NTF3: variants seen among roughly 807,000 people sequenced by gnomAD.
NTF3 encodes neurotrophin-3.
Under a neutral mutation model 26.3 loss-of-function variants are expected in NTF3, and 8 were observed. That is an observed-to-expected ratio of 0.30 (90% CI 0.18 to 0.55). NTF3 has a LOEUF of 0.55. Ranked by LOEUF, NTF3 falls within the 20% of genes least tolerant of loss-of-function variation. The probability of loss-of-function intolerance (pLI) is 0.93; values close to 1 mark genes in which losing one functional copy is unlikely to be tolerated. For synonymous variants in NTF3, 154 were observed against 145.5 expected, an observed-to-expected ratio of 1.06 and a Z score of -0.42; for missense variants, 276 against 352.9, an observed-to-expected ratio of 0.78 and a Z score of 1.75.
chr12:5,451,560 A>G (rs1488628226), intron 1 of NTF3, among the ~76,000 whole-genome samples: 2 of 152,260 alleles, frequency 1.3e-5, no homozygotes, highest in African/African-American at 4.8e-5. Context: ...AAATGGGGAA[A>G]GAATAAAGAG....
At chr12:5,448,356 T>C (rs1940332204) in intron 1 of NTF3, among the ~76,000 whole-genome samples, 1 of 152,204 alleles carries the variant, frequency 6.6e-6, no homozygotes. Context: ...CTGTTCCTTT[T>C]CATGGTGCTG....
At chr12:5,446,906 G>A (rs1418940594) in intron 1 of NTF3, among the ~76,000 whole-genome samples, 3 of 152,192 alleles carry the variant, frequency 2.0e-5, no homozygotes, top group Non-Finnish European at 4.4e-5. Flanking sequence ...GACCTGATGC[G>A]AGAACCGGAT....
At chr12:5,431,439 C>A (rs1484800939), upstream of NTF3, among the ~76,000 whole-genome samples, 1 of 152,176 alleles carries the variant, frequency 6.6e-6, no homozygotes. Flanking sequence ...CCCCACGCCC[C>A]TCTACCTTGA....
At chr12:5,487,800 C>T (rs893820190) in intron 1 of NTF3, among the ~76,000 whole-genome samples, 2 of 152,206 alleles carry the variant, frequency 1.3e-5, no homozygotes, top group Non-Finnish European at 2.9e-5. Flanking sequence ...TAGATACAGA[C>T]CTGTCCTGAG....
Position 5,494,377 on chromosome 12 carries a change from G to T in NTF3, c.202G>T (p.Val68Phe). The T allele has an allele frequency of 6.2e-7, 1 of 1,614,038 alleles. No individual in the cohort carries two copies. Among genetic ancestry groups the T allele is most frequent in the Middle Eastern group, 1.6e-4 (1 of 6,062 alleles). The change falls in exon 2 of 2, where the codon GTT becomes TTT. Residue 68 changes from valine (V) to phenylalanine (F), a missense_variant. Physicochemically the swap from Val to Phe is conservative, Grantham distance 50. Around this residue, in one of 3 missense-constraint regions of NTF3, gnomAD observed 221 missense variants for 258.2 expected, o/e 0.86. Transcript: ENST00000423158. This position sits in a 1 kb window ranked among gnomAD's most constrained non-coding sequence, Gnocchi z 8.3. ...KNKLSKQMVD[V>F]KENYQSTLPK... ...CAAGCTCTCCAAGCAGATGGTGGACGTTAAGGAAAATTACCAGAGCACCCT... is the reference window on the plus strand; with the variant it reads ...CAAGCTCTCCAAGCAGATGGTGGACTTTAAGGAAAATTACCAGAGCACCCT...
chr12:5,490,680 C>T (rs1212691403), intron 1 of NTF3, among the ~76,000 whole-genome samples: 1 of 152,212 alleles, frequency 6.6e-6, no homozygotes, highest in Non-Finnish European at 1.5e-5. Flanking sequence ...AATTCAGAAA[C>T]ACCACCTCTC....
intron 1 of NTF3, among the ~76,000 whole-genome samples, chr12:5,467,882 G>C (rs1297510544): frequency 6.6e-6 from 1 of 152,002 alleles, no homozygotes; most frequent in African/African-American, 2.4e-5. Context: ...GATTTATCGT[G>C]CTGTACTCCT....
chr12:5,472,953 T>C (rs7487539), intron 1 of NTF3, among the ~76,000 whole-genome samples: 28,814 of 152,148 alleles, frequency 0.19, 2,898 homozygotes, highest in Middle Eastern at 0.24. Context: ...TTATTTTTCT[T>C]TGGGCCAGGA....
At chr12:5,471,829 G>A (rs1175610448) in intron 1 of NTF3, among the ~76,000 whole-genome samples, 1 of 151,954 alleles carries the variant, frequency 6.6e-6, no homozygotes, top group Non-Finnish European at 1.5e-5. Context: ...TGGGCTTCAG[G>A]CATCCTGGAA....
At chr12:5,465,501 T>C (rs1475472269) in intron 1 of NTF3, among the ~76,000 whole-genome samples, 2 of 152,232 alleles carry the variant, frequency 1.3e-5, no homozygotes, top group South Asian at 2.1e-4. Context: ...GGTAGGACTT[T>C]CCTAAATGAA....
intron 1 of NTF3, among the ~76,000 whole-genome samples, chr12:5,491,173 C>T (rs139709498): frequency 1.6e-4 from 24 of 152,330 alleles, no homozygotes; most frequent in South Asian, 1.0e-3. Context: ...TGCAGGCCTC[C>T]GTTCCCTTAT....
intron 1 of NTF3, among the ~76,000 whole-genome samples, chr12:5,483,785 C>T (rs1283538474): frequency 1.3e-5 from 2 of 152,166 alleles, no homozygotes; most frequent in Non-Finnish European, 2.9e-5. Flanking sequence ...TGTGCAGGAA[C>T]ATGGAGACCA....
intron 1 of NTF3, among the ~76,000 whole-genome samples, chr12:5,435,545 G>A (rs1314070286): frequency 6.6e-6 from 1 of 152,154 alleles, no homozygotes; most frequent in African/African-American, 2.4e-5. Flanking sequence ...TTTGTGTATT[G>A]GGAAGGGAGC....
chr12:5,495,040 A>G lies in NTF3; in HGVS notation c.*52A>G. The G allele has an allele frequency of 2.1e-6, 3 of 1,459,684 alleles. No individual in the cohort carries two copies. The highest frequency in any genetic ancestry group is 2.8e-6 in the Non-Finnish European group (3 of 1,066,532). The allele number at this position is 1,459,684 out of a possible 1,614,324, so 90.4% of individuals were successfully genotyped here. A position where few individuals can be genotyped will look rare whatever the true frequency, so the allele number is the denominator to read the frequency against. On this transcript the variant is annotated 3_prime_UTR_variant, in exon 2 of 2. Transcript: ENST00000423158. ...TATTACTTTAAATTATATGATATGC[A>G]TGTAGCATATAAATGTTTATATTGT...
At chr12:5,435,714 G>A (rs1327161479) in intron 1 of NTF3, among the ~76,000 whole-genome samples, 1 of 152,160 alleles carries the variant, frequency 6.6e-6, no homozygotes, top group East Asian at 1.9e-4. Flanking sequence ...TGTGGAGCTG[G>A]AGAATGGTGA....
intron 1 of NTF3, among the ~76,000 whole-genome samples, chr12:5,434,924 G>A (rs182713988): frequency 6.6e-6 from 1 of 152,032 alleles, no homozygotes; most frequent in African/African-American, 2.4e-5. Flanking sequence ...GGGGCATGTA[G>A]GGGGTAGAAA....
intron 1 of NTF3, among the ~76,000 whole-genome samples, chr12:5,458,271 T>C (rs1334902143): frequency 1.3e-5 from 2 of 152,210 alleles, no homozygotes; most frequent in African/African-American, 2.4e-5. Context: ...TGACTGTTAG[T>C]ATGCAGCAGT....
chr12:5,471,588 T>C (rs570428901), intron 1 of NTF3, among the ~76,000 whole-genome samples: 1 of 152,230 alleles, frequency 6.6e-6, no homozygotes, highest in Non-Finnish European at 1.5e-5. Flanking sequence ...TCTGTGTCTG[T>C]GCGTTTAGGG....
rs570612043 is a variant in NTF3 at position 5,437,913 on chromosome 12, G to A, written c.18+5571G>A. Among the ~76,000 whole-genome samples the A allele has an allele frequency of 7.2e-5, 11 of 152,296 alleles. No individual in the cohort carries two copies. The East Asian group carries it at 9.7e-4, about 13-fold the overall frequency. Reference sequence around the variant, plus strand: ...CGTGCTGGGGGACACGTGAGCGTAGGAGATGCCCTGGGTAGATGGGGCATT... The same window carrying A: ...CGTGCTGGGGGACACGTGAGCGTAGAAGATGCCCTGGGTAGATGGGGCATT... On this transcript the variant is annotated intron_variant, in intron 1 of 1. Transcript: ENST00000423158.
Sources: gnomAD v4.1 joint callset for allele counts (sites outside exome capture counted in the v4.1 genomes callset) on GRCh38, gnomAD v4.1.1 for gene constraint, gnomAD v4.1.1 regional missense constraint, Gnocchi (gnomAD v3.1) non-coding constraint, MANE v1.5 for transcripts, NCBI Gene and HGNC (gene_info 2026-07-23, HGNC 2026-07-21) for gene names.